Variants in KLHL1 observed in about 807,000 individuals in gnomAD.
KLHL1 encodes kelch like family member 1, also known as kelch-like protein 1.
A neutral mutation model predicts 77.7 loss-of-function variants in KLHL1; 47 were observed. The observed-to-expected ratio is 0.60, with a 90% CI of 0.48 to 0.77. The LOEUF (loss-of-function observed/expected upper bound fraction) is 0.77. KLHL1 is among the 30% of genes least tolerant of loss of function. The probability of loss-of-function intolerance (pLI) is 0.00; values close to 1 mark genes in which losing one functional copy is unlikely to be tolerated. For synonymous variants in KLHL1, 360 were observed against 325.2 expected, an observed-to-expected ratio of 1.11 and a Z score of -1.15; for missense variants, 925 against 910.8, an observed-to-expected ratio of 1.02 and a Z score of -0.20.
At position 69,740,497 on chromosome 13, in the gene KLHL1, G is replaced by T. The variant is rs1400777488; in HGVS notation, c.1699C>A (p.Leu567Met). Residue 567 changes from leucine to methionine, a missense_variant, in exon 8 of 11, where the codon CTG becomes ATG. Physicochemically the swap from Leu to Met is conservative, Grantham distance 15. Transcript: ENST00000377844. ...GGATCCCACCTTTCCACTGTATTCA[G>T]ATAGCTCCAGCCATCATGGCCTCCC... ...AVGGHDGWSY[L>M]NTVERWDPQS... The T allele has an allele frequency of 1.2e-6, 2 of 1,612,940 alleles. No individual in the cohort carries two copies. Among genetic ancestry groups the T allele is most frequent in the Admixed American group, 1.7e-5 (1 of 59,982 alleles).
chr13:70,025,421 C>T (rs1376587996), intron 1 of KLHL1, among the ~76,000 whole-genome samples: 2 of 151,844 alleles, frequency 1.3e-5, no homozygotes, highest in Non-Finnish European at 1.5e-5. Flanking sequence ...TGGCATTTGT[C>T]ATGTAATGGG....
At chr13:69,723,849 T>C (rs4884860) in intron 8 of KLHL1, among the ~76,000 whole-genome samples, 6 of 37,218 alleles carry the variant, frequency 1.6e-4, no homozygotes, top group Non-Finnish European at 3.3e-4. Flanking sequence ...AATTTTTTTT[T>C]TTTTTTTTTC....
chr13:69,763,837 G>C (rs1451925540), intron 7 of KLHL1, among the ~76,000 whole-genome samples: 1 of 152,192 alleles, frequency 6.6e-6, no homozygotes, highest in African/African-American at 2.4e-5. Flanking sequence ...AAACAGAGCA[G>C]TGTTTTATTT....
chr13:69,749,797 A>G (rs987482666), intron 7 of KLHL1, among the ~76,000 whole-genome samples: 3 of 151,966 alleles, frequency 2.0e-5, no homozygotes, highest in African/African-American at 4.8e-5. Flanking sequence ...TTCTGTATCA[A>G]TGCAACCAAA....
At chr13:69,760,249 G>T (rs1245940264) in intron 7 of KLHL1, among the ~76,000 whole-genome samples, 1 of 152,102 alleles carries the variant, frequency 6.6e-6, no homozygotes, top group Non-Finnish European at 1.5e-5. Flanking sequence ...ACCAGGGATT[G>T]AGAGCCTCAG....
At chr13:69,763,918 C>A (rs151150393) in intron 7 of KLHL1, among the ~76,000 whole-genome samples, 1,727 of 152,198 alleles carry the variant, frequency 0.011, 34 homozygotes, top group African/African-American at 0.039. Flanking sequence ...AAAAAAGTAA[C>A]CTGAAGTAAC....
At chr13:69,978,468 G>T (rs7491555) in intron 1 of KLHL1, among the ~76,000 whole-genome samples, 48,848 of 147,324 alleles carry the variant, frequency 0.33, 8,624 homozygotes, top group African/African-American at 0.47. Context: ...ACAGGTTAAA[G>T]GAAATATTCT....
chr13:69,726,336 T>C (rs1047708533), intron 8 of KLHL1, among the ~76,000 whole-genome samples: 4 of 152,126 alleles, frequency 2.6e-5, no homozygotes, highest in Non-Finnish European at 4.4e-5. Context: ...TGGTTCTTTG[T>C]TTTCTAATTA....
chr13:70,045,311 C>G (rs1415689602), intron 1 of KLHL1, among the ~76,000 whole-genome samples: 1 of 152,002 alleles, frequency 6.6e-6, no homozygotes, highest in Non-Finnish European at 1.5e-5. Context: ...ATTTTTAAGT[C>G]TTTACTTTTT....
intron 1 of KLHL1, among the ~76,000 whole-genome samples, chr13:69,985,795 TTA>T (rs1884849388): frequency 6.8e-6 from 1 of 146,232 alleles, no homozygotes; most frequent in Non-Finnish European, 1.5e-5. Flanking sequence ...TATATATATT[TTA>T]TATATATTTA....
chr13:69,735,649 A>C (rs1344087117), intron 8 of KLHL1, among the ~76,000 whole-genome samples: 1 of 151,102 alleles, frequency 6.6e-6, no homozygotes, highest in East Asian at 1.9e-4. Flanking sequence ...TGCCAAATTT[A>C]AACAGCACTA....
chr13:69,732,030 C>T (rs1278364705), intron 8 of KLHL1, among the ~76,000 whole-genome samples: 1 of 151,874 alleles, frequency 6.6e-6, no homozygotes, highest in Non-Finnish European at 1.5e-5. Context: ...AGATAACACA[C>T]TCAAAATAAG....
chr13:69,716,622 A>T (rs1876130832), intron 9 of KLHL1, among the ~76,000 whole-genome samples: 1 of 152,082 alleles, frequency 6.6e-6, no homozygotes, highest in Admixed American at 6.6e-5. Context: ...AGCCCTCATT[A>T]CTGGGATGCA....
chr13:70,079,384 G>T (rs1203183881), intron 1 of KLHL1, among the ~76,000 whole-genome samples: 1 of 152,092 alleles, frequency 6.6e-6, no homozygotes, highest in African/African-American at 2.4e-5. Flanking sequence ...GTAACCCATG[G>T]CATGTATGCT....
chr13:70,041,501 C>A (rs1195738691), intron 1 of KLHL1, among the ~76,000 whole-genome samples: 2 of 152,150 alleles, frequency 1.3e-5, no homozygotes, highest in Non-Finnish European at 2.9e-5. Flanking sequence ...CTCTTTGTTA[C>A]TGTTGGGTAG....
At chr13:69,919,989 T>C (rs1323786030) in intron 4 of KLHL1, among the ~76,000 whole-genome samples, 1 of 152,152 alleles carries the variant, frequency 6.6e-6, no homozygotes, top group African/African-American at 2.4e-5. Flanking sequence ...GCTTGTATCA[T>C]GATGTAAATT....
chr13:70,054,671 C>G (rs1886701902), intron 1 of KLHL1, among the ~76,000 whole-genome samples: 1 of 150,558 alleles, frequency 6.6e-6, no homozygotes, highest in South Asian at 2.1e-4. Context: ...TCAAGATAAC[C>G]CAGAGAAGGA....
chr13:70,096,996 G>A (rs1415316022), intron 1 of KLHL1, among the ~76,000 whole-genome samples: 1 of 151,994 alleles, frequency 6.6e-6, no homozygotes, highest in Non-Finnish European at 1.5e-5. Context: ...CAAATGCGGT[G>A]TAAAATGAAT....
intron 1 of KLHL1, among the ~76,000 whole-genome samples, chr13:70,068,058 A>G (rs1887051676): frequency 6.6e-6 from 1 of 151,070 alleles, no homozygotes; most frequent in Non-Finnish European, 1.5e-5. Context: ...AAAAAAAAAA[A>G]GGGCCAGATG....
Sources: allele counts gnomAD v4.1 joint callset (sites outside exome capture counted in the v4.1 genomes callset), GRCh38; gene constraint gnomAD v4.1.1; transcripts MANE v1.5; gene names NCBI Gene and HGNC (gene_info 2026-07-23, HGNC 2026-07-21).